The following ANXA4 variants were observed in gnomAD, a reference collection of about 807,000 sequenced individuals.
ANXA4 encodes the protein annexin A4, also known as 35-beta calcimedin.
In ANXA4, 39 loss-of-function variants were observed where a neutral mutation model predicts 49.8. That is an observed-to-expected ratio of 0.78 (90% confidence interval 0.61 to 1.02). The LOEUF (loss-of-function observed/expected upper bound fraction) is 1.02. Among genes scored for constraint, ANXA4 ranks in the 50% least tolerant of loss-of-function variants. ANXA4 has a pLI of 0.00. For synonymous variants in ANXA4, 134 were observed against 152.5 expected (o/e 0.88, Z 0.89); for missense variants, 360 against 410.1 (o/e 0.88, Z 1.05).
intron 2 of ANXA4, among the ~76,000 whole-genome samples, chr2:69,719,144 T>C (rs1336212912): frequency 1.3e-5 from 2 of 151,772 alleles, no homozygotes; most frequent in African/African-American, 4.8e-5. Context: ...GCCCAGCTAA[T>C]TTTTTGTATT....
chr2:69,644,975 AAAAC>A (rs1170776605), intron 1 of ANXA4: 1 of 152,192 alleles, frequency 6.6e-6, no homozygotes, highest in Non-Finnish European at 1.5e-5. Flanking sequence ...GTTGCTGCCA[AAAAC>A]AAACAAAAAA....
In ANXA4 at chr2:69,806,396, C is replaced by T. The variant is rs148077345; in HGVS notation, c.204C>T (p.Asp68=). 5.7e-4 allele frequency: 927 copies of T among 1,613,532 alleles called. No homozygotes were observed. The highest frequency in any genetic ancestry group is 7.3e-4 in the Non-Finnish European group (863 of 1,179,596). Residue 68 remains aspartate, a synonymous_variant, in exon 5 of 13, where the codon GAC becomes GAT. Transcript: ENST00000394295. ...YKSTIGRDLI[D]DLKSELSGNF... ...TTCTTGCATTGCAGGACTTGATAGACGACCTGAAGTCAGAACTGAGTGGCA... is the reference window on the plus strand; with the variant it reads ...TTCTTGCATTGCAGGACTTGATAGATGACCTGAAGTCAGAACTGAGTGGCA...
intron 2 of ANXA4, among the ~76,000 whole-genome samples, chr2:69,716,486 G>C (rs1461336470): frequency 6.6e-6 from 1 of 152,194 alleles, no homozygotes; most frequent in Non-Finnish European, 1.5e-5. Flanking sequence ...ATGTGCAGAG[G>C]GGGTTGGAGA....
intron 2 of ANXA4, among the ~76,000 whole-genome samples, chr2:69,787,314 T>C (rs147860912): frequency 9.2e-5 from 14 of 152,220 alleles, no homozygotes; most frequent in African/African-American, 1.9e-4. Flanking sequence ...ATTATGATCA[T>C]TGATGTTCCT....
At chr2:69,663,958 A>C (rs868080650) in intron 2 of ANXA4, among the ~76,000 whole-genome samples, 7 of 152,308 alleles carry the variant, frequency 4.6e-5, no homozygotes, top group South Asian at 4.1e-4. Flanking sequence ...GAAAGTGCTG[A>C]GTACAGTGCA....
chr2:69,761,025 A>AATT (rs1171755956), intron 1 of ANXA4, among the ~76,000 whole-genome samples: 9 of 151,708 alleles, frequency 5.9e-5, no homozygotes, highest in African/African-American at 2.2e-4. Context: ...TTAATTAATT[A>AATT]AAAAATAAAT....
chr2:69,649,182 A>G (rs1323224752), intron 1 of ANXA4, among the ~76,000 whole-genome samples: 6 of 152,126 alleles, frequency 3.9e-5, no homozygotes, highest in African/African-American at 1.4e-4. Context: ...CACCGCGCCC[A>G]GCCTAATTTT....
chr2:69,723,895 A>G (rs984517335), intron 3 of ANXA4, among the ~76,000 whole-genome samples: 2 of 152,072 alleles, frequency 1.3e-5, no homozygotes, highest in African/African-American at 4.8e-5. Flanking sequence ...AGAAGCTCCT[A>G]CCCTTTCTCC....
At chr2:69,716,439 G>A (rs1669629045) in intron 2 of ANXA4, among the ~76,000 whole-genome samples, 1 of 152,152 alleles carries the variant, frequency 6.6e-6, no homozygotes, top group Non-Finnish European at 1.5e-5. Flanking sequence ...AGCTGCACTC[G>A]AGGAACTGCG....
chr2:69,781,334 C>G, intron 1 of ANXA4, 186 bp from the exon 2 acceptor site: 1 of 597,890 alleles, frequency 1.7e-6, no homozygotes, highest in Non-Finnish European at 3.0e-6. Flanking sequence ...ATAAAGTTGA[C>G]TTTTTTTAAC....
At chr2:69,776,125 C>T (rs967065526) in intron 1 of ANXA4, among the ~76,000 whole-genome samples, 1 of 152,026 alleles carries the variant, frequency 6.6e-6, no homozygotes, top group Admixed American at 6.6e-5. Flanking sequence ...CAGGCACTCA[C>T]CACCATGCCC....
intron 2 of ANXA4, among the ~76,000 whole-genome samples, chr2:69,714,903 C>T (rs1289349425): frequency 6.6e-6 from 1 of 152,160 alleles, no homozygotes; most frequent in Non-Finnish European, 1.5e-5. Flanking sequence ...GTTCATGAAG[C>T]CTAACGCAAG....
At chr2:69,762,515 G>T (rs1671334986) in intron 1 of ANXA4, among the ~76,000 whole-genome samples, 1 of 152,180 alleles carries the variant, frequency 6.6e-6, no homozygotes, top group Admixed American at 6.5e-5. Flanking sequence ...CCAGTTGCTA[G>T]CTGGTTTTCC....
At chr2:69,739,153 C>T (rs188698402), upstream of ANXA4, among the ~76,000 whole-genome samples, 103 of 152,272 alleles carry the variant, frequency 6.8e-4, no homozygotes, top group African/African-American at 2.1e-3. Context: ...TACAAGAAAT[C>T]GTCCTGGGTT....
At chr2:69,697,037 A>T in intron 2 of ANXA4, among the ~76,000 whole-genome samples, 1 of 152,168 alleles carries the variant, frequency 6.6e-6, no homozygotes, top group African/African-American at 2.4e-5. Flanking sequence ...TTAGTCCCTA[A>T]CAAGAGAGTC....
chr2:69,824,231 G>A (rs187902438), intron 12 of ANXA4, among the ~76,000 whole-genome samples: 11 of 151,614 alleles, frequency 7.3e-5, no homozygotes, highest in Admixed American at 3.3e-4. Flanking sequence ...GGCTGGGTGC[G>A]GTGGCTCACA....
At chr2:69,718,032 G>A (rs1348576990) in intron 2 of ANXA4, among the ~76,000 whole-genome samples, 1 of 152,114 alleles carries the variant, frequency 6.6e-6, no homozygotes, top group African/African-American at 2.4e-5. Flanking sequence ...AGCTCAGTGC[G>A]GTCTGCATTT....
intron 3 of ANXA4, among the ~76,000 whole-genome samples, chr2:69,794,334 G>A (rs755948647): frequency 3.3e-5 from 5 of 152,166 alleles, no homozygotes; most frequent in African/African-American, 4.8e-5. Flanking sequence ...TTGGAGGCAG[G>A]CTGACCATCC....
chr2:69,693,236 G>A (rs1316143333), intron 2 of ANXA4, among the ~76,000 whole-genome samples: 1 of 152,122 alleles, frequency 6.6e-6, no homozygotes, highest in Non-Finnish European at 1.5e-5. Context: ...GTTGGTCGGT[G>A]CAGTTCTTTG....
Sources: allele counts gnomAD v4.1 joint callset (sites outside exome capture counted in the v4.1 genomes callset), GRCh38; gene constraint gnomAD v4.1.1; transcripts MANE v1.5; gene names NCBI Gene and HGNC (gene_info 2026-07-23, HGNC 2026-07-21).